Variants in ADAMTSL1 observed in about 807,000 individuals in gnomAD.
ADAMTSL1 encodes the protein ADAMTS-like protein 1.
In ADAMTSL1, 126 loss-of-function variants were observed where a neutral mutation model predicts 201.8. The ratio of observed to expected loss-of-function variants is 0.62; its 90% CI spans 0.54 to 0.72. The LOEUF (loss-of-function observed/expected upper bound fraction) is 0.72. Among genes scored for constraint, ADAMTSL1 ranks in the 30% least tolerant of loss-of-function variants. ADAMTSL1 has a pLI of 0.00. For missense variants in ADAMTSL1, 2,679 were observed against 2,277.8 expected (o/e 1.18, Z -3.59); for synonymous variants, 1,121 against 903.4 (o/e 1.24, Z -4.32).
rs1380725651 is a variant in ADAMTSL1 at position 18,909,507 on chromosome 9, C to T, written c.*959C>T. Reference sequence around the variant, plus strand: ...CTAAATCCGAAGTCCCCTAGCCCCGCACTAACTAACTGCTGCTGTGGGCCA... The same window carrying T: ...CTAAATCCGAAGTCCCCTAGCCCCGTACTAACTAACTGCTGCTGTGGGCCA... On this transcript the variant is annotated 3_prime_UTR_variant, in exon 29 of 29. Transcript: ENST00000380548. 6.6e-6 allele frequency: 1 copy of T among 152,280 alleles called. No homozygotes were observed. Among genetic ancestry groups the T allele is most frequent in the African/African-American group, 2.4e-5 (1 of 41,454 alleles). The allele number at this position is 152,280 out of a possible 1,614,324, so 9.4% of individuals were successfully genotyped here.
intron 23 of ADAMTSL1, among the ~76,000 whole-genome samples, chr9:18,838,081 C>T (rs1256126222): frequency 6.6e-6 from 1 of 152,032 alleles, no homozygotes; most frequent in Non-Finnish European, 1.5e-5. Context: ...CTTACAGTTC[C>T]ACATGGCTGG....
chr9:18,855,895 A>G lies in ADAMTSL1; in HGVS notation c.4249+25918A>G, dbSNP rs140896274. ...AAACCAGCACAAGCCTGTGTGTCTGATGTCCTGCCAGCTTCCTGAGCCCAG... is the reference window on the plus strand; with the variant it reads ...AAACCAGCACAAGCCTGTGTGTCTGGTGTCCTGCCAGCTTCCTGAGCCCAG... On this transcript the variant is annotated intron_variant, in intron 23 of 28. Coordinates refer to ENST00000380548, the MANE Select transcript of ADAMTSL1 (RefSeq NM_001040272.6). 6.7e-3 allele frequency among the ~76,000 whole-genome samples: 1,020 copies of G among 152,326 alleles called. 14 individuals are homozygous for G. The highest frequency in any genetic ancestry group is 0.023 in the African/African-American group (976 of 41,564).
chr9:18,566,427 G>A (rs923894579), intron 3 of ADAMTSL1, among the ~76,000 whole-genome samples: 5 of 152,190 alleles, frequency 3.3e-5, no homozygotes, highest in African/African-American at 9.7e-5. Context: ...TAAATTATCC[G>A]ATATACTTGT....
chr9:18,300,189 T>C (rs1218143267), intron 2 of ADAMTSL1, among the ~76,000 whole-genome samples: 1 of 152,190 alleles, frequency 6.6e-6, no homozygotes, highest in East Asian at 1.9e-4. Flanking sequence ...CTATTCACTA[T>C]AGCAAAGACT....
intron 2 of ADAMTSL1, among the ~76,000 whole-genome samples, chr9:18,298,132 A>T (rs1833547712): frequency 6.6e-6 from 1 of 152,154 alleles, no homozygotes; most frequent in African/African-American, 2.4e-5. Context: ...AAGTAAAGAG[A>T]CAGAATTCAC....
chr9:18,183,577 C>T (rs59505981), intron 2 of ADAMTSL1, among the ~76,000 whole-genome samples: 1 of 152,128 alleles, frequency 6.6e-6, no homozygotes, highest in East Asian at 1.9e-4. Context: ...GATACCTCAC[C>T]AAAGAAAATA....
intron 15 of ADAMTSL1, among the ~76,000 whole-genome samples, chr9:18,748,717 C>T (rs1819284122): frequency 6.6e-6 from 1 of 152,230 alleles, no homozygotes; most frequent in Non-Finnish European, 1.5e-5. Context: ...TCACTGCATA[C>T]TACTGAACAT....
chr9:18,615,983 A>G (rs547379021), intron 4 of ADAMTSL1, among the ~76,000 whole-genome samples: 2 of 152,234 alleles, frequency 1.3e-5, no homozygotes, highest in South Asian at 2.1e-4. Flanking sequence ...AAATCAGACC[A>G]TCATAATGCT....
intron 1 of ADAMTSL1, among the ~76,000 whole-genome samples, chr9:18,003,703 G>C (rs534665105): frequency 3.3e-5 from 5 of 152,110 alleles, no homozygotes; most frequent in African/African-American, 1.2e-4. Context: ...TGCTGTAGCA[G>C]ACAAAGGTAC....
intron 1 of ADAMTSL1, among the ~76,000 whole-genome samples, chr9:17,957,957 G>GAAT (rs1407748565): frequency 6.6e-6 from 1 of 152,150 alleles, no homozygotes; most frequent in Non-Finnish European, 1.5e-5. Flanking sequence ...GACTGGGAGA[G>GAAT]AATAAGTTTT....
chr9:18,060,223 C>T (rs1327150923), intron 1 of ADAMTSL1, among the ~76,000 whole-genome samples: 1 of 152,148 alleles, frequency 6.6e-6, no homozygotes. Context: ...CTACTTTGTA[C>T]TGGCTTTTAC....
At chr9:18,131,101 C>T (rs1472881982) in intron 1 of ADAMTSL1, among the ~76,000 whole-genome samples, 1 of 152,066 alleles carries the variant, frequency 6.6e-6, no homozygotes, top group Admixed American at 6.6e-5. Flanking sequence ...CGAGAAAGGC[C>T]CCATTTGGTT....
At chr9:18,504,294 C>T (rs554429725) in intron 1 of ADAMTSL1, among the ~76,000 whole-genome samples, 3 of 152,246 alleles carry the variant, frequency 2.0e-5, no homozygotes, top group Admixed American at 2.0e-4. Context: ...TGTCAAGAGG[C>T]AATCCGTGCA....
At chr9:18,896,844 G>A (rs1022199004) in intron 26 of ADAMTSL1, among the ~76,000 whole-genome samples, 2 of 152,176 alleles carry the variant, frequency 1.3e-5, no homozygotes, top group African/African-American at 4.8e-5. Flanking sequence ...GAGTCTTTCA[G>A]ACTCAGGCCC....
At chr9:18,077,989 C>T (rs1013100657) in intron 1 of ADAMTSL1, among the ~76,000 whole-genome samples, 1 of 152,068 alleles carries the variant, frequency 6.6e-6, no homozygotes, top group African/African-American at 2.4e-5. Context: ...ATATTTGTCA[C>T]CTAACAAGGA....
intron 1 of ADAMTSL1, among the ~76,000 whole-genome samples, chr9:18,124,671 G>A (rs927923319): frequency 1.1e-4 from 16 of 152,034 alleles, no homozygotes; most frequent in African/African-American, 3.6e-4. Context: ...TTTTTAAAAA[G>A]TCATTATTTA....
chr9:18,651,869 T>C (rs1828287196), intron 7 of ADAMTSL1, among the ~76,000 whole-genome samples: 1 of 151,770 alleles, frequency 6.6e-6, no homozygotes, highest in South Asian at 2.1e-4. Context: ...TGGAGAGAAA[T>C]CCCATGTCCA....
chr9:18,826,937 T>C (rs1240838727), intron 22 of ADAMTSL1, among the ~76,000 whole-genome samples: 4 of 152,116 alleles, frequency 2.6e-5, no homozygotes, highest in African/African-American at 7.2e-5. Flanking sequence ...CCATCTAAAG[T>C]CTCCACATGT....
intron 20 of ADAMTSL1, among the ~76,000 whole-genome samples, chr9:18,797,712 CT>C (rs1822517339): frequency 6.6e-6 from 1 of 152,162 alleles, no homozygotes; most frequent in Admixed American, 6.5e-5. Context: ...CATTGAGTCT[CT>C]GTTCTCATCT....
Sources: gnomAD v4.1 joint callset for allele counts (sites outside exome capture counted in the v4.1 genomes callset) on GRCh38, gnomAD v4.1.1 for gene constraint, MANE v1.5 for transcripts, NCBI Gene and HGNC (gene_info 2026-07-23, HGNC 2026-07-21) for gene names.